DNAJC27: variants seen among roughly 807,000 people sequenced by gnomAD.
DNAJC27 encodes DnaJ heat shock protein family (Hsp40) member C27.
DNAJC27 carries 25 observed loss-of-function variants against 31.4 expected under a neutral mutation model. The observed-to-expected ratio is 0.80, with a 90% confidence interval of 0.58 to 1.11. The LOEUF (loss-of-function observed/expected upper bound fraction) is 1.11. Ranked by LOEUF, DNAJC27 falls within the 50% of genes most tolerant of loss-of-function variation. The probability of loss-of-function intolerance (pLI) is 0.00; values close to 1 mark genes in which losing one functional copy is unlikely to be tolerated. For missense variants in DNAJC27, 356 were observed against 347.3 expected, an observed-to-expected ratio of 1.02 and a Z score of -0.20; for synonymous variants, 106 against 112.7, an observed-to-expected ratio of 0.94 and a Z score of 0.37.
At chr2:24,961,569 G>A (rs766733931) in intron 3 of DNAJC27, among the ~76,000 whole-genome samples, 6 of 151,858 alleles carry the variant, frequency 4.0e-5, no homozygotes, top group Non-Finnish European at 5.9e-5. Context: ...ATGCCATTAA[G>A]AACATTCGTG....
At chr2:24,952,391 C>T (rs993821607) in intron 5 of DNAJC27, among the ~76,000 whole-genome samples, 18 of 152,160 alleles carry the variant, frequency 1.2e-4, no homozygotes, top group African/African-American at 4.3e-4. Flanking sequence ...ATAATGCATC[C>T]TGGAATCTTT....
At chr2:24,966,992 G>A (rs1356808397) in intron 2 of DNAJC27, among the ~76,000 whole-genome samples, 1 of 152,168 alleles carries the variant, frequency 6.6e-6, no homozygotes. Context: ...CTAACACGAG[G>A]CCTGGTGAAT....
intron 3 of DNAJC27, chr2:24,958,515 A>C (rs1175674578): frequency 1.4e-5 from 5 of 360,006 alleles, no homozygotes; most frequent in African/African-American, 1.1e-4. Context: ...CAGGCTCTGG[A>C]GTCAGACAGA....
chr2:24,953,238 G>A (rs1444360452), intron 5 of DNAJC27, among the ~76,000 whole-genome samples: 1 of 151,978 alleles, frequency 6.6e-6, no homozygotes, highest in African/African-American at 2.4e-5. Context: ...TATAGTTCCT[G>A]TTATCTTCTA....
At chr2:24,971,960 C>T, upstream of DNAJC27, 2 of 1,333,760 alleles carry the variant, frequency 1.5e-6, no homozygotes, top group South Asian at 1.4e-5. Flanking sequence ...ACCGCTGGCC[C>T]GTCCCTCAGG....
At chr2:24,955,632 T>A (rs948683633) in intron 5 of DNAJC27, among the ~76,000 whole-genome samples, 5 of 152,200 alleles carry the variant, frequency 3.3e-5, no homozygotes, top group African/African-American at 1.2e-4. Flanking sequence ...CATCATATTC[T>A]AACTGCTGAA....
At position 24,971,875 on chromosome 2, in the gene DNAJC27, C is replaced by G. The variant is rs1428554169; in HGVS notation, c.30G>C (p.Glu10Asp). The change falls in exon 1 of 7, where the codon GAG becomes GAC. Residue 10 changes from glutamate (E) to aspartate (D), a missense_variant. Coordinates refer to ENST00000264711, the MANE Select transcript of DNAJC27 (RefSeq NM_016544.3). ...CTTTGATGCGGAGAGACCTGCCGGG[C>G]TCCTTCCGCTTCGGCATGTTGGCCT... is the stretch of plus-strand genomic sequence containing the variant. MEANMPKRK[E>D]PGRSLRIKVI... 1 of 1,607,286 alleles carries G rather than the reference C, an allele frequency of 6.2e-7. No homozygotes were observed. The highest frequency in any genetic ancestry group is 1.7e-5 in the Admixed American group (1 of 59,250).
chr2:24,961,015 T>A (rs1666026883), intron 3 of DNAJC27, among the ~76,000 whole-genome samples: 1 of 152,200 alleles, frequency 6.6e-6, no homozygotes, highest in Non-Finnish European at 1.5e-5. Context: ...AAGAAGATGA[T>A]ATCTAGGACT....
At chr2:24,958,158 T>C (rs1665953168) in intron 3 of DNAJC27, among the ~76,000 whole-genome samples, 184 bp from the exon 4 acceptor site, 2 of 152,216 alleles carry the variant, frequency 1.3e-5, no homozygotes, top group Non-Finnish European at 2.9e-5. Flanking sequence ...TAAAAATGTA[T>C]TAGCATAGAA....
intron 5 of DNAJC27, chr2:24,953,605 A>C (rs1037712795): frequency 4.4e-6 from 2 of 451,400 alleles, no homozygotes; most frequent in African/African-American, 4.2e-5. Flanking sequence ...TAAACAGACT[A>C]ATTTATCCAT....
chr2:24,963,408 A>C lies in DNAJC27; in HGVS notation c.237T>G (p.Tyr79Ter). 6.2e-7 allele frequency: 1 copy of C among 1,613,374 alleles called. No homozygotes were observed. The highest frequency in any genetic ancestry group is 8.5e-7 in the Non-Finnish European group (1 of 1,179,472). The change falls in exon 3 of 7, where the codon TAT (tyrosine) becomes TAG (stop). Residue 79 changes from tyrosine (Y) to a stop codon, truncating the protein, a stop_gained. Coordinates refer to ENST00000264711, the MANE Select transcript of DNAJC27 (RefSeq NM_016544.3). LOFTEE classifies it high-confidence loss of function. ...TTTGTCAAAAAGGCTTTCTTACCTC[A>C]TAGAAGAAGGGATGTCCAGCCATAT... ...IFDMAGHPFF[Y>*]EVRNEFYKDT... is the part of the protein sequence containing the mutation.
chr2:24,971,737 T>C, intron 1 of DNAJC27, 81 bp downstream of exon 1: 1 of 1,282,114 alleles, frequency 7.8e-7, no homozygotes, highest in Non-Finnish European at 1.1e-6. Flanking sequence ...GGCCCCAGGC[T>C]GTTGAGTGGC....
chr2:24,944,302 A>T lies in DNAJC27; in HGVS notation c.*3314T>A, dbSNP rs1665595154. ...CTCCACCTTTCTAACTTTTGGCAAA[A>T]TCCCTCCCTTCCCCTTGTGATGTTG... On this transcript the variant is annotated 3_prime_UTR_variant, in exon 7 of 7. Coordinates refer to ENST00000264711, the MANE Select transcript of DNAJC27 (RefSeq NM_016544.3). The T allele has an allele frequency of 6.6e-6, 1 of 151,678 alleles. No individual in the cohort carries two copies. Among genetic ancestry groups the T allele is most frequent in the South Asian group, 2.1e-4 (1 of 4,800 alleles). 9.4% of individuals were successfully genotyped at this position (151,678 alleles called of 1,614,324 possible).
rs1353652872 is a variant in DNAJC27, at chr2:24,946,680, T to A, written c.*936A>T. The A allele has an allele frequency of 6.6e-6, 1 of 152,108 alleles. No individual in the cohort carries two copies. The highest frequency in any genetic ancestry group is 1.5e-5 in the Non-Finnish European group (1 of 68,010). 9.4% of individuals were successfully genotyped at this position (152,108 alleles called of 1,614,324 possible). A position where few individuals can be genotyped will look rare whatever the true frequency, so the allele number is the denominator to read the frequency against. ...TAAGTGCGACCTCTAAGTACCTTTT[T>A]TTTTTTTCTTTAAGAGACAAGATCT... On this transcript the variant is annotated 3_prime_UTR_variant, in exon 7 of 7. Transcript: ENST00000264711.
At chr2:24,969,097 A>T (rs564855375) in intron 1 of DNAJC27, 1 of 178,122 alleles carries the variant, frequency 5.6e-6, no homozygotes, top group African/African-American at 2.4e-5. Flanking sequence ...AACAATAACT[A>T]CTTCTTAATT....
At chr2:24,965,507 T>C (rs1170966557) in intron 2 of DNAJC27, among the ~76,000 whole-genome samples, 2 of 152,076 alleles carry the variant, frequency 1.3e-5, no homozygotes, top group African/African-American at 4.8e-5. Flanking sequence ...CTGCCTGCCT[T>C]GGCCTCCCAA....
At chr2:24,962,236 T>TTTTG (rs756671602) in intron 3 of DNAJC27, among the ~76,000 whole-genome samples, 1 of 152,026 alleles carries the variant, frequency 6.6e-6, no homozygotes, top group Non-Finnish European at 1.5e-5. Context: ...TTTTTGTGTT[T>TTTTG]TTTGTTTGTT....
At chr2:24,958,780 A>C (rs557507117) in intron 3 of DNAJC27, among the ~76,000 whole-genome samples, 1 of 152,308 alleles carries the variant, frequency 6.6e-6, no homozygotes, top group East Asian at 1.9e-4. Flanking sequence ...GCAGCATGAA[A>C]TATGGGCATA....
chr2:24,950,424 G>A (rs1316197380), intron 6 of DNAJC27, among the ~76,000 whole-genome samples: 2 of 152,092 alleles, frequency 1.3e-5, no homozygotes, highest in East Asian at 1.9e-4. Flanking sequence ...GTGTAGTAAC[G>A]GTAGAATTAG....
Sources: gnomAD v4.1 joint callset for allele counts (sites outside exome capture counted in the v4.1 genomes callset) on GRCh38, gnomAD v4.1.1 for gene constraint, MANE v1.5 for transcripts, NCBI Gene and HGNC (gene_info 2026-07-23, HGNC 2026-07-21) for gene names.